ODAD2: variants seen among roughly 807,000 people sequenced by gnomAD.
The protein encoded by ODAD2 is outer dynein arm docking complex subunit 2, also known as outer dynein arm-docking complex subunit 2.
Under a neutral mutation model 106.8 loss-of-function variants are expected in ODAD2, and 89 were observed. The ratio of observed to expected loss-of-function variants is 0.83; its 90% confidence interval spans 0.70 to 0.99. The LOEUF (loss-of-function observed/expected upper bound fraction) is 0.99, where lower values mean the gene tolerates loss of function less well. Among genes scored for constraint, ODAD2 ranks in the 50% least tolerant of loss-of-function variants. The pLI, the probability that ODAD2 is intolerant of heterozygous loss-of-function variation, is 0.00. For missense variants in ODAD2, 1,168 were observed against 1,238.5 expected, an observed-to-expected ratio of 0.94 and a Z score of 0.85; for synonymous variants, 404 against 436.2, an observed-to-expected ratio of 0.93 and a Z score of 0.92.
chr10:27,933,630 A>T (rs1389749854), intron 16 of ODAD2, among the ~76,000 whole-genome samples: 1 of 152,218 alleles, frequency 6.6e-6, no homozygotes, highest in East Asian at 1.9e-4. Context: ...GTTGGTGGCC[A>T]AGTAGATTTG....
At chr10:27,865,399 C>T (rs1382534833) in intron 17 of ODAD2, among the ~76,000 whole-genome samples, 1 of 152,212 alleles carries the variant, frequency 6.6e-6, no homozygotes, top group Non-Finnish European at 1.5e-5. Context: ...CACAAGTCTG[C>T]ACAAACCTTT....
chr10:27,889,699 G>C (rs183609164), intron 17 of ODAD2, among the ~76,000 whole-genome samples: 175 of 152,252 alleles, frequency 1.1e-3, no homozygotes, highest in Non-Finnish European at 2.0e-3. Context: ...AAGTCTCCCA[G>C]CCCTGTGTAC....
chr10:27,873,726 T>C lies in ODAD2; in HGVS notation c.2611-11104A>G, dbSNP rs570133366. On this transcript the variant is annotated intron_variant, in intron 17 of 19. Transcript: ENST00000305242. ...TTGCACTGTGGTCTGAGAGACAGTT[T>C]GTTATAATTTCTGTTCTTTTACATT... 4.7e-4 allele frequency among the ~76,000 whole-genome samples: 72 copies of C among 152,258 alleles called. 1 individual carries two copies. In the South Asian group the frequency reaches 7.1e-3, roughly 15 times the overall value.
intron 16 of ODAD2, among the ~76,000 whole-genome samples, chr10:27,930,078 A>T (rs1482304663): frequency 1.3e-5 from 2 of 151,500 alleles, no homozygotes; most frequent in African/African-American, 4.8e-5. Context: ...ATATATTTTT[A>T]TTTTTTATTT....
chr10:27,935,126 G>T lies in ODAD2; in HGVS notation c.2379C>A (p.Val793=). The T allele has an allele frequency of 6.2e-7, 1 of 1,613,886 alleles. No homozygotes were observed. The highest frequency in any genetic ancestry group is 1.1e-5 in the South Asian group (1 of 91,068). ...GTGGTTGAATGCCACCACATTTCCG[G>T]ACAATGACTCGGTTTTCACGTTCTT... is the stretch of plus-strand genomic sequence containing the variant. ...CCQERENRVI[V]RKCGGIQPLV... The change falls in exon 16 of 20, where the codon GTC becomes GTA. Residue 793 remains valine (V), a synonymous_variant. Coordinates refer to ENST00000305242, the MANE Select transcript of ODAD2 (RefSeq NM_018076.5).
At chr10:27,998,362 T>C (rs1850679224) in intron 1 of ODAD2, among the ~76,000 whole-genome samples, 1 of 151,936 alleles carries the variant, frequency 6.6e-6, no homozygotes, top group African/African-American at 2.4e-5. Context: ...GCGTCAGAGC[T>C]GAGACCCTAA....
At chr10:27,888,628 G>C (rs553626011) in intron 17 of ODAD2, among the ~76,000 whole-genome samples, 26 of 151,972 alleles carry the variant, frequency 1.7e-4, no homozygotes, top group African/African-American at 6.3e-4. Context: ...TATTTATTCC[G>C]TTAATTATTA....
At chr10:27,872,465 C>T (rs1342175827) in intron 17 of ODAD2, among the ~76,000 whole-genome samples, 3 of 151,762 alleles carry the variant, frequency 2.0e-5, no homozygotes, top group African/African-American at 7.3e-5. Context: ...CAGTTTTTGC[C>T]CATTCAGGAT....
intron 10 of ODAD2, among the ~76,000 whole-genome samples, chr10:27,955,149 T>C (rs1490809490): frequency 2.6e-5 from 4 of 152,212 alleles, no homozygotes; most frequent in African/African-American, 9.7e-5. Flanking sequence ...TGGAGTTGAT[T>C]CGAGTGGACG....
At chr10:27,929,881 TTA>T (rs1167301017) in intron 16 of ODAD2, among the ~76,000 whole-genome samples, 1 of 152,152 alleles carries the variant, frequency 6.6e-6, no homozygotes, top group Non-Finnish European at 1.5e-5. Flanking sequence ...TTGGTCTTTT[TTA>T]TGTCAATATT....
chr10:27,828,049 C>T (rs767951327), intron 19 of ODAD2, among the ~76,000 whole-genome samples: 2 of 152,136 alleles, frequency 1.3e-5, no homozygotes, highest in African/African-American at 4.8e-5. Context: ...AAAGGCAACA[C>T]TTTAAGGAAA....
intron 16 of ODAD2, among the ~76,000 whole-genome samples, chr10:27,917,955 A>T (rs1436278792): frequency 6.6e-6 from 1 of 151,934 alleles, no homozygotes; most frequent in Non-Finnish European, 1.5e-5. Flanking sequence ...AAATTACCAA[A>T]ACTGACCCAA....
intron 16 of ODAD2, among the ~76,000 whole-genome samples, chr10:27,912,508 C>T (rs1844079715): frequency 1.3e-5 from 2 of 152,112 alleles, no homozygotes; most frequent in African/African-American, 4.8e-5. Flanking sequence ...TTTGCTGGCT[C>T]GCCTGCCCAT....
intron 17 of ODAD2, among the ~76,000 whole-genome samples, chr10:27,897,248 C>T (rs1842919384): frequency 6.6e-6 from 1 of 152,056 alleles, no homozygotes; most frequent in African/African-American, 2.4e-5. Flanking sequence ...TACACTCAGA[C>T]CTCCACTACC....
chr10:27,899,317 G>A lies in ODAD2; in HGVS notation c.2610+8346C>T, dbSNP rs145388658. ...ACTTTTCCCACGGTCTTTGCAACCC[G>A]CAGACCAGGAGATTCCCTCAGGCGC... On this transcript the variant is annotated intron_variant, in intron 17 of 19. Coordinates refer to ENST00000305242, the MANE Select transcript of ODAD2 (RefSeq NM_018076.5). Among the ~76,000 whole-genome samples the A allele has an allele frequency of 3.5e-3, 530 of 152,176 alleles. 5 individuals are homozygous for A. The highest frequency in any genetic ancestry group is 0.012 in the African/African-American group (505 of 41,524).
chr10:27,963,299 A>G (rs567761314), intron 9 of ODAD2, among the ~76,000 whole-genome samples: 13 of 151,892 alleles, frequency 8.6e-5, no homozygotes, highest in Non-Finnish European at 1.8e-4. Flanking sequence ...GAGCCACTGC[A>G]CCCGGCCTGT....
At chr10:27,861,897 T>G (rs998772431) in intron 18 of ODAD2, among the ~76,000 whole-genome samples, 14 of 152,292 alleles carry the variant, frequency 9.2e-5, no homozygotes, top group Middle Eastern at 6.8e-3. Context: ...GCTCTATGAC[T>G]TTTCTGCCAA....
At position 27,961,601 on chromosome 10, in the gene ODAD2, A is replaced by G. The variant is rs149432727; in HGVS notation, c.1353T>C (p.Tyr451=). The change falls in exon 10 of 20, where the codon TAT becomes TAC. Residue 451 remains tyrosine (Y), a synonymous_variant. Coordinates refer to ENST00000305242, the MANE Select transcript of ODAD2 (RefSeq NM_018076.5). The stretch of plus-strand genomic sequence containing the variant: ...ATTTCACCAGCTTCTGAATTTGCCA[A>G]TATTCTGATGGCAAATCTGCACTTG... ...QEASADLPSE[Y]WQIQKLVKYL... is the part of the protein sequence containing the mutation. 1.5e-3 allele frequency: 2,384 copies of G among 1,611,886 alleles called. 4 individuals carry two copies. Among genetic ancestry groups the G allele is most frequent in the Non-Finnish European group, 1.9e-3 (2,186 of 1,178,948 alleles).
chr10:27,912,303 T>C (rs1465031262), intron 16 of ODAD2, among the ~76,000 whole-genome samples: 2 of 152,190 alleles, frequency 1.3e-5, no homozygotes, highest in East Asian at 3.8e-4. Flanking sequence ...AAAACTGAAT[T>C]ACATGCTTTC....
Sources: allele counts gnomAD v4.1 joint callset (sites outside exome capture counted in the v4.1 genomes callset), GRCh38; gene constraint gnomAD v4.1.1; transcripts MANE v1.5; gene names NCBI Gene and HGNC (gene_info 2026-07-23, HGNC 2026-07-21).